Variants in ATRNL1 observed in about 807,000 individuals in gnomAD.
ATRNL1 encodes attractin like 1, also known as attractin-like protein 1.
In ATRNL1, 95 loss-of-function variants were observed where a neutral mutation model predicts 182.7. The ratio of observed to expected loss-of-function variants is 0.52; its 90% CI spans 0.44 to 0.62. The LOEUF (loss-of-function observed/expected upper bound fraction) is 0.62, where lower values mean the gene tolerates loss of function less well. Ranked by LOEUF, ATRNL1 falls within the 20% of genes least tolerant of loss-of-function variation. ATRNL1 has a pLI of 0.00. For missense variants in ATRNL1, 1,471 were observed against 1,679.5 expected (o/e 0.88, Z 2.17); for synonymous variants, 576 against 568.3 (o/e 1.01, Z -0.19).
At chr10:115,937,384 G>A (rs1555123115) in intron 28 of ATRNL1, among the ~76,000 whole-genome samples, 1 of 152,232 alleles carries the variant, frequency 6.6e-6, no homozygotes, top group African/African-American at 2.4e-5. Context: ...GATCAGACAA[G>A]TATGACTAGT....
chr10:115,906,199 A>G (rs1245320279), intron 28 of ATRNL1, among the ~76,000 whole-genome samples: 11 of 152,310 alleles, frequency 7.2e-5, no homozygotes, highest in Non-Finnish European at 8.8e-5. Context: ...ACTTATATTT[A>G]CCCTAATAAA....
intron 8 of ATRNL1, among the ~76,000 whole-genome samples, chr10:115,180,204 C>T (rs1847697017): frequency 6.6e-6 from 1 of 151,664 alleles, no homozygotes; most frequent in Admixed American, 6.6e-5. Flanking sequence ...TTTTCAACTT[C>T]TCCATTATTC....
chr10:115,602,152 G>A (rs112975018), intron 26 of ATRNL1, among the ~76,000 whole-genome samples: 80 of 152,106 alleles, frequency 5.3e-4, no homozygotes, highest in South Asian at 2.1e-3. Flanking sequence ...TCAGGAGTTC[G>A]AGACCAGCCT....
chr10:115,093,818 G>C lies in ATRNL1; in HGVS notation c.68G>C (p.Arg23Pro), dbSNP rs1554862301. 11 of 1,497,482 alleles carry C rather than the reference G, an allele frequency of 7.3e-6. No homozygotes were observed. Among genetic ancestry groups the C allele is most frequent in the Non-Finnish European group, 9.8e-6 (11 of 1,125,300 alleles). The allele number at this position is 1,497,482 out of a possible 1,614,324, so 92.8% of individuals were successfully genotyped here. The stretch of plus-strand genomic sequence containing the variant: ...GCGGCCCCGGGGGTGTGGAGGGCTC[G>C]GCCGGCGGGCGGCGGCGGCGGGGGC... Reference protein sequence around the residue: ...QPAAPGVWRARPAGGGGGGAS... With the variant: ...QPAAPGVWRAPPAGGGGGGAS... The change falls in exon 1 of 29, where the codon CGG becomes CCG. Residue 23 changes from arginine (R) to proline (P), a missense_variant. Physicochemically the swap from Arg to Pro is moderately radical, Grantham distance 103. Transcript: ENST00000355044. The surrounding 1 kb of genome is among the most constrained non-coding windows in gnomAD (Gnocchi z 6.1).
intron 14 of ATRNL1, 37 bp downstream of exon 14, chr10:115,281,524 C>G: frequency 6.3e-7 from 1 of 1,593,510 alleles, no homozygotes; most frequent in Non-Finnish European, 8.6e-7. Flanking sequence ...AGTTTATGGT[C>G]TACAGATAAA....
intron 26 of ATRNL1, among the ~76,000 whole-genome samples, chr10:115,604,509 G>T (rs556745068): frequency 6.6e-5 from 10 of 152,122 alleles, no homozygotes; most frequent in Admixed American, 6.5e-4. Flanking sequence ...CTGCCTTTGT[G>T]CCTTTTAGGA....
intron 26 of ATRNL1, among the ~76,000 whole-genome samples, chr10:115,675,375 AAAG>A (rs1205888302): frequency 6.6e-5 from 10 of 152,050 alleles, no homozygotes; most frequent in Non-Finnish European, 8.8e-5. Flanking sequence ...GTCTCTTACA[AAAG>A]AAGAAGAAGA....
intron 21 of ATRNL1, among the ~76,000 whole-genome samples, chr10:115,436,339 A>G (rs1846404819): frequency 6.6e-6 from 1 of 152,166 alleles, no homozygotes; most frequent in South Asian, 2.1e-4. Flanking sequence ...AGAAAAATTA[A>G]TGTATGGCAT....
At chr10:115,345,380 A>G (rs1443485903) in intron 19 of ATRNL1, among the ~76,000 whole-genome samples, 1 of 152,178 alleles carries the variant, frequency 6.6e-6, no homozygotes, top group African/African-American at 2.4e-5. Flanking sequence ...CTACTATAGC[A>G]GGACAGCAGT....
chr10:115,532,151 T>C (rs1445341841), intron 25 of ATRNL1, among the ~76,000 whole-genome samples: 1 of 152,100 alleles, frequency 6.6e-6, no homozygotes, highest in Non-Finnish European at 1.5e-5. Flanking sequence ...AGTAGTTTTT[T>C]CCAATTCTGT....
intron 21 of ATRNL1, among the ~76,000 whole-genome samples, chr10:115,449,183 C>T (rs1295622271): frequency 6.6e-6 from 1 of 152,178 alleles, no homozygotes. Flanking sequence ...CCCCACTCCC[C>T]TGATTCTGTA....
Position 115,732,117 on chromosome 10 carries a change from A to G in ATRNL1, c.3903+4762A>G, listed in dbSNP as rs782394817. On this transcript the variant is annotated intron_variant, in intron 27 of 28. Transcript: ENST00000355044. ...CCTTTTGGATACTATGAATGATGCC[A>G]CTGTGAACATTTGTGTAAAAAAAAT... Among the ~76,000 whole-genome samples the G allele has an allele frequency of 4.6e-5, 7 of 152,298 alleles. No individual in the cohort carries two copies. In the East Asian group the frequency reaches 1.4e-3, roughly 29 times the overall value.
chr10:115,422,475 A>G (rs1845692393), intron 20 of ATRNL1, among the ~76,000 whole-genome samples: 1 of 152,204 alleles, frequency 6.6e-6, no homozygotes, highest in South Asian at 2.1e-4. Context: ...AATGCAAATC[A>G]GAACCACAAT....
intron 25 of ATRNL1, among the ~76,000 whole-genome samples, chr10:115,533,166 C>T (rs1214684979): frequency 6.6e-6 from 1 of 152,076 alleles, no homozygotes; most frequent in African/African-American, 2.4e-5. Context: ...GGAATAGTTT[C>T]AGAAGGAATG....
intron 28 of ATRNL1, among the ~76,000 whole-genome samples, chr10:115,870,538 C>T (rs61865188): frequency 6.6e-6 from 1 of 152,158 alleles, no homozygotes; most frequent in Non-Finnish European, 1.5e-5. Context: ...CCCAACTGCT[C>T]CTGAAGGACT....
At chr10:115,605,618 C>T (rs1269729462) in intron 26 of ATRNL1, among the ~76,000 whole-genome samples, 1 of 151,926 alleles carries the variant, frequency 6.6e-6, no homozygotes, top group Non-Finnish European at 1.5e-5. Flanking sequence ...TGGGAAATAA[C>T]CTCATTGTAA....
intron 8 of ATRNL1, among the ~76,000 whole-genome samples, chr10:115,195,657 T>G (rs1272881244): frequency 6.6e-6 from 1 of 152,132 alleles, no homozygotes; most frequent in East Asian, 1.9e-4. Flanking sequence ...TGGATATTTA[T>G]ATCTTTCTAC....
chr10:115,612,541 C>T (rs1049343244), intron 26 of ATRNL1, among the ~76,000 whole-genome samples: 1 of 152,142 alleles, frequency 6.6e-6, no homozygotes, highest in Non-Finnish European at 1.5e-5. Context: ...GAACGTAATT[C>T]GTTTTAAAAC....
At chr10:115,867,706 GT>G (rs1951470011) in intron 28 of ATRNL1, among the ~76,000 whole-genome samples, 1 of 145,630 alleles carries the variant, frequency 6.9e-6, no homozygotes, top group Non-Finnish European at 1.5e-5. Context: ...TCCTTTTAGT[GT>G]TTGGAATGTG....
Sources: allele counts gnomAD v4.1 joint callset (sites outside exome capture counted in the v4.1 genomes callset), GRCh38; gene constraint gnomAD v4.1.1; non-coding constraint Gnocchi (gnomAD v3.1); transcripts MANE v1.5; gene names NCBI Gene and HGNC (gene_info 2026-07-23, HGNC 2026-07-21).